Variants in PLAA observed in about 807,000 individuals in gnomAD.
The protein encoded by PLAA is phospholipase A2 activating protein.
In PLAA, 48 loss-of-function variants were observed where a neutral mutation model predicts 84.1. The ratio of observed to expected loss-of-function variants is 0.57; its 90% CI spans 0.45 to 0.73. The LOEUF (loss-of-function observed/expected upper bound fraction) is 0.73. Ranked by LOEUF, PLAA falls within the 30% of genes least tolerant of loss-of-function variation. The pLI is 0.00. For synonymous variants in PLAA, 392 were observed against 336.6 expected, an observed-to-expected ratio of 1.16 and a Z score of -1.80; for missense variants, 903 against 954.7, an observed-to-expected ratio of 0.95 and a Z score of 0.71.
At chr9:26,920,609 A>G (rs1173734819) in intron 7 of PLAA, among the ~76,000 whole-genome samples, 2 of 152,222 alleles carry the variant, frequency 1.3e-5, no homozygotes, top group Non-Finnish European at 2.9e-5. Flanking sequence ...TGATTCTACT[A>G]GGAAGCAACT....
At chr9:26,915,945 C>G in intron 10 of PLAA, 1 of 985,440 alleles carries the variant, frequency 1.0e-6, no homozygotes, top group South Asian at 4.7e-5. Flanking sequence ...GCCATCTTAT[C>G]TACTCTTCAG....
chr9:26,932,824 C>A (rs1402215370), intron 2 of PLAA, among the ~76,000 whole-genome samples: 1 of 152,136 alleles, frequency 6.6e-6, no homozygotes, highest in Admixed American at 6.5e-5. Context: ...TACAGGCACA[C>A]AAACATTTAA....
chr9:26,937,894 C>T (rs1044945056), intron 1 of PLAA, among the ~76,000 whole-genome samples: 1 of 151,354 alleles, frequency 6.6e-6, no homozygotes, highest in Non-Finnish European at 1.5e-5. Flanking sequence ...TGAACAGAGC[C>T]TAAGGGACTT....
intron 1 of PLAA, among the ~76,000 whole-genome samples, chr9:26,937,450 T>C (rs965274699): frequency 1.3e-5 from 2 of 152,134 alleles, no homozygotes; most frequent in Admixed American, 6.5e-5. Context: ...TCTAGAGTTA[T>C]ATTATTAGAT....
chr9:26,928,779 T>C (rs116598679), intron 2 of PLAA, among the ~76,000 whole-genome samples: 3,699 of 152,304 alleles, frequency 0.024, 148 homozygotes, highest in African/African-American at 0.084. Flanking sequence ...ATATAAATAT[T>C]TAAGGCTGCT....
chr9:26,942,527 CA>C (rs1328950061), intron 1 of PLAA, among the ~76,000 whole-genome samples: 1 of 152,186 alleles, frequency 6.6e-6, no homozygotes, highest in African/African-American at 2.4e-5. Flanking sequence ...TAGCCACATG[CA>C]GATCATAAAA....
intron 11 of PLAA, 93 bp from the exon 12 acceptor site, chr9:26,910,532 A>C: frequency 1.2e-6 from 1 of 867,834 alleles, no homozygotes; most frequent in Admixed American, 2.0e-5. Context: ...AATTATTGAG[A>C]TATGCAACTA....
chr9:26,929,685 T>A (rs969764138), intron 2 of PLAA, among the ~76,000 whole-genome samples: 3 of 152,200 alleles, frequency 2.0e-5, no homozygotes, highest in Non-Finnish European at 4.4e-5. Flanking sequence ...ACTGTTGTCT[T>A]GCACTGCTTC....
At chr9:26,926,910 G>C (rs982197194) in intron 4 of PLAA, among the ~76,000 whole-genome samples, 1 of 151,296 alleles carries the variant, frequency 6.6e-6, no homozygotes, top group Non-Finnish European at 1.5e-5. Context: ...AAATATAAAA[G>C]AAATATATAA....
chr9:26,930,381 G>A (rs1009002020), intron 2 of PLAA, among the ~76,000 whole-genome samples: 5 of 152,138 alleles, frequency 3.3e-5, no homozygotes, highest in African/African-American at 9.7e-5. Flanking sequence ...GGGATTACAG[G>A]CATGAGCCAC....
Position 26,925,899 on chromosome 9 carries a change from T to G in PLAA, c.795A>C (p.Gln265His), listed in dbSNP as rs753905056. The G allele has an allele frequency of 2.5e-6, 4 of 1,613,808 alleles. No homozygotes were observed. The highest frequency in any genetic ancestry group is 3.4e-6 in the Non-Finnish European group (4 of 1,179,706). The change falls in exon 6 of 14, where the codon CAA becomes CAC. Residue 265 changes from glutamine to histidine, a missense_variant. Gln to His is a conservative substitution (Grantham distance 24, BLOSUM62 0). Transcript: ENST00000397292. Reference protein sequence around the residue: ...LRIWKHGECAQTIRLPAQSIW... With the variant: ...LRIWKHGECAHTIRLPAQSIW... ...TAGACTGAGCTGGAAGTCGGATAGT[T>G]TGAGCACATTCCCCATGTTTCCAGA...
chr9:26,922,924 T>G (rs1824815704), intron 7 of PLAA, among the ~76,000 whole-genome samples: 1 of 152,138 alleles, frequency 6.6e-6, no homozygotes, highest in African/African-American at 2.4e-5. Flanking sequence ...GCCTTTTGAG[T>G]GTCTACTGTA....
chr9:26,923,459 T>G (rs1044161564), intron 6 of PLAA, 112 bp from the exon 7 acceptor site: 12 of 791,214 alleles, frequency 1.5e-5, no homozygotes, highest in Non-Finnish European at 2.4e-5. Context: ...TGAGAAATAT[T>G]AGCATGTTAT....
rs184830347 is a variant in PLAA at position 26,909,862 on chromosome 9, A to T, written c.1657+476T>A. Among the ~76,000 whole-genome samples the T allele has an allele frequency of 3.3e-3, 499 of 152,220 alleles. 2 individuals carry two copies. Among genetic ancestry groups the T allele is most frequent in the Middle Eastern group, 0.01 (3 of 294 alleles). ...TAGTCTCGAACTCCTGACCTTAGGC[A>T]GTCCGCCCGCCTTGGCCTCCCAAAG... On this transcript the variant is annotated intron_variant, in intron 12 of 13. Transcript: ENST00000397292.
chr9:26,937,697 G>C (rs946613897), intron 1 of PLAA, among the ~76,000 whole-genome samples: 2 of 152,070 alleles, frequency 1.3e-5, no homozygotes, highest in East Asian at 3.8e-4. Context: ...CAGTAAAGAG[G>C]CAGAAAACCT....
chr9:26,928,046 AT>A (rs978497267), intron 4 of PLAA, 53 bp downstream of exon 4: 1 of 1,545,960 alleles, frequency 6.5e-7, no homozygotes, highest in Non-Finnish European at 8.7e-7. Context: ...GAGAAAAAAA[AT>A]CTGAGCAAAT....
At chr9:26,927,213 AG>A (rs1171004825) in intron 4 of PLAA, among the ~76,000 whole-genome samples, 1 of 147,222 alleles carries the variant, frequency 6.8e-6, no homozygotes, top group Non-Finnish European at 1.5e-5. Flanking sequence ...CTGTGCCTCC[AG>A]GGTTCAAGAG....
At chr9:26,928,010 A>C in intron 4 of PLAA, 90 bp downstream of exon 4, 2 of 1,382,834 alleles carry the variant, frequency 1.4e-6, no homozygotes, top group Non-Finnish European at 2.0e-6. Flanking sequence ...AATGTTTTTC[A>C]AATATTTTCA....
chr9:26,912,682 C>T (rs1375728238), intron 11 of PLAA, among the ~76,000 whole-genome samples: 1 of 152,080 alleles, frequency 6.6e-6, no homozygotes, highest in African/African-American at 2.4e-5. Flanking sequence ...AAGTTATTTA[C>T]ATAAATTTTA....
Sources: gnomAD v4.1 joint callset for allele counts (sites outside exome capture counted in the v4.1 genomes callset) on GRCh38, gnomAD v4.1.1 for gene constraint, MANE v1.5 for transcripts, NCBI Gene and HGNC (gene_info 2026-07-23, HGNC 2026-07-21) for gene names.